GALNT13: variants seen among roughly 807,000 people sequenced by gnomAD.
GALNT13 encodes UDP-GalNAc:polypeptide N-acetylgalactosaminyltransferase 13.
A neutral mutation model predicts 64.2 loss-of-function variants in GALNT13; 28 were observed. That is an observed-to-expected ratio of 0.44 (90% CI 0.32 to 0.60). The LOEUF (loss-of-function observed/expected upper bound fraction) is 0.60. GALNT13 is among the 20% of genes least tolerant of loss of function. The pLI is 0.05. For synonymous variants in GALNT13, 214 were observed against 224.6 expected (o/e 0.95, Z 0.42); for missense variants, 577 against 669.8 (o/e 0.86, Z 1.53).
chr2:154,269,385 C>A (rs1691197517), intron 8 of GALNT13, among the ~76,000 whole-genome samples: 1 of 150,698 alleles, frequency 6.6e-6, no homozygotes, highest in Non-Finnish European at 1.5e-5. Context: ...TTAATTCATA[C>A]AAATCTGATG....
the GALNT13 span, among the ~76,000 whole-genome samples, chr2:153,754,973 G>A: frequency 6.6e-6 from 1 of 152,078 alleles, no homozygotes; most frequent in Non-Finnish European, 1.5e-5. Flanking sequence ...TCTATAACAG[G>A]ATAGCACTGT....
the GALNT13 span, among the ~76,000 whole-genome samples, chr2:153,317,992 ACCTGCT>A: frequency 6.6e-6 from 1 of 152,074 alleles, no homozygotes; most frequent in East Asian, 1.9e-4. Context: ...AATCAGAAAA[ACCTGCT>A]GTGAATTATG....
chr2:153,384,680 A>G, the GALNT13 span, among the ~76,000 whole-genome samples: 1 of 152,194 alleles, frequency 6.6e-6, no homozygotes, highest in African/African-American at 2.4e-5. Context: ...ACAATGTCCC[A>G]CTCAAAACTA....
At chr2:154,301,740 A>G (rs1462426240) in intron 9 of GALNT13, 151 bp downstream of exon 9, 1 of 541,232 alleles carries the variant, frequency 1.8e-6, no homozygotes, top group Non-Finnish European at 3.2e-6. Flanking sequence ...AAGTTGTACT[A>G]TGAAGTAAAT....
the GALNT13 span, among the ~76,000 whole-genome samples, chr2:153,426,118 C>G: frequency 6.6e-6 from 1 of 151,792 alleles, no homozygotes; most frequent in Non-Finnish European, 1.5e-5. Context: ...TTACATTACT[C>G]TATTAAAATG....
intron 3 of GALNT13, among the ~76,000 whole-genome samples, chr2:154,016,644 C>G (rs1036680905): frequency 6.6e-6 from 1 of 152,046 alleles, no homozygotes; most frequent in Non-Finnish European, 1.5e-5. Context: ...TCTTGAACTC[C>G]TGACCTCATG....
At chr2:153,652,597 AGAGT>A in the GALNT13 span, among the ~76,000 whole-genome samples, 2 of 152,182 alleles carry the variant, frequency 1.3e-5, no homozygotes, top group Non-Finnish European at 2.9e-5. Context: ...CCTGGGCAAC[AGAGT>A]GAGACTCTGT....
the GALNT13 span, among the ~76,000 whole-genome samples, chr2:153,689,962 C>T: frequency 1.3e-5 from 2 of 152,010 alleles, no homozygotes; most frequent in Non-Finnish European, 2.9e-5. Context: ...TGTACTGGGC[C>T]TTTTAAACCA....
the GALNT13 span, among the ~76,000 whole-genome samples, chr2:153,372,660 A>G: frequency 1.3e-5 from 2 of 151,900 alleles, no homozygotes; most frequent in Non-Finnish European, 2.9e-5. Flanking sequence ...AAAAAAAAGA[A>G]AGAAGGAAAG....
intron 4 of GALNT13, among the ~76,000 whole-genome samples, chr2:154,188,827 T>C (rs1242248757): frequency 1.3e-5 from 2 of 152,184 alleles, no homozygotes; most frequent in African/African-American, 4.8e-5. Context: ...TATTTCATTT[T>C]TCTGCACATT....
chr2:153,754,769 C>T, the GALNT13 span, among the ~76,000 whole-genome samples: 8 of 152,102 alleles, frequency 5.3e-5, no homozygotes, highest in African/African-American at 1.9e-4. Context: ...AAGTTGTAAT[C>T]CTTGTTGTCT....
intron 7 of GALNT13, among the ~76,000 whole-genome samples, chr2:154,255,030 C>T (rs1040977708): frequency 1.3e-5 from 2 of 152,028 alleles, no homozygotes; most frequent in African/African-American, 4.8e-5. Flanking sequence ...AAACTAAGAG[C>T]TTGTCCAAAG....
the GALNT13 span, among the ~76,000 whole-genome samples, chr2:153,417,201 G>A: frequency 6.6e-6 from 1 of 152,170 alleles, no homozygotes; most frequent in Non-Finnish European, 1.5e-5. Context: ...TTCCAGGAAT[G>A]AAAAGGAGGT....
At chr2:153,499,090 A>T in the GALNT13 span, among the ~76,000 whole-genome samples, 1 of 152,062 alleles carries the variant, frequency 6.6e-6, no homozygotes, top group Non-Finnish European at 1.5e-5. Context: ...TTACCTCGTG[A>T]TCCGCCCGCC....
At chr2:154,322,144 C>CTTTTTTTT (rs70983718) in intron 9 of GALNT13, among the ~76,000 whole-genome samples, 308 of 16,678 alleles carry the variant, frequency 0.018, 7 homozygotes, top group Middle Eastern at 0.056. Context: ...AAAATATGTA[C>CTTTTTTTT]TTTTTTTTTT....
intron 3 of GALNT13, among the ~76,000 whole-genome samples, chr2:153,965,586 C>G (rs1321000745): frequency 6.6e-6 from 1 of 152,038 alleles, no homozygotes; most frequent in East Asian, 1.9e-4. Flanking sequence ...TTGGTTGTTT[C>G]ATAAATCCTT....
the GALNT13 span, among the ~76,000 whole-genome samples, chr2:153,257,498 A>G: frequency 6.6e-6 from 1 of 152,094 alleles, no homozygotes; most frequent in Non-Finnish European, 1.5e-5. Flanking sequence ...TCTTAAATGC[A>G]GGTTTCTGAT....
At chr2:154,195,777 A>C (rs911302409) in intron 4 of GALNT13, among the ~76,000 whole-genome samples, 3 of 152,124 alleles carry the variant, frequency 2.0e-5, no homozygotes, top group African/African-American at 7.2e-5. Flanking sequence ...AAACAATTGG[A>C]TAGTGATATT....
chr2:153,295,185 G>A, the GALNT13 span, among the ~76,000 whole-genome samples: 1 of 152,142 alleles, frequency 6.6e-6, no homozygotes, highest in African/African-American at 2.4e-5. Context: ...CAGGAAGAAG[G>A]TGGTGACAGA....
Sources: allele counts gnomAD v4.1 joint callset (sites outside exome capture counted in the v4.1 genomes callset), GRCh38; gene constraint gnomAD v4.1.1; transcripts MANE v1.5; gene names NCBI Gene and HGNC (gene_info 2026-07-23, HGNC 2026-07-21).